The following USP34 variants were observed in gnomAD, a reference collection of about 807,000 sequenced individuals.
USP34 encodes the protein ubiquitin carboxyl-terminal hydrolase 34.
Under a neutral mutation model 460.3 loss-of-function variants are expected in USP34, and 70 were observed. The ratio of observed to expected loss-of-function variants is 0.15; its 90% CI spans 0.13 to 0.19. The LOEUF (loss-of-function observed/expected upper bound fraction) is 0.19. Among genes scored for constraint, USP34 ranks in the 10% least tolerant of loss-of-function variants. The pLI is 1.00. For missense variants in USP34, 3,985 were observed against 4,236.2 expected (o/e 0.94, Z 1.65); for synonymous variants, 1,647 against 1,405.3 (o/e 1.17, Z -3.85).
intron 34 of USP34, among the ~76,000 whole-genome samples, chr2:61,288,136 A>C (rs1689742555): frequency 6.6e-6 from 1 of 152,178 alleles, no homozygotes; most frequent in East Asian, 1.9e-4. Flanking sequence ...CCCCTCTGAT[A>C]ATCTTATAGC....
At chr2:61,368,337 C>G (rs956281029) in intron 10 of USP34, among the ~76,000 whole-genome samples, 2 of 151,990 alleles carry the variant, frequency 1.3e-5, no homozygotes, top group African/African-American at 2.4e-5. Context: ...GAGGCTGAGG[C>G]AGGAGAATCC....
At chr2:61,201,822 A>C (rs1686986492) in intron 75 of USP34, among the ~76,000 whole-genome samples, 1 of 152,154 alleles carries the variant, frequency 6.6e-6, no homozygotes, top group Non-Finnish European at 1.5e-5. Flanking sequence ...CAATTACCAA[A>C]AATTTTTTAA....
intron 78 of USP34, 99 bp downstream of exon 78, chr2:61,190,172 C>T: frequency 6.8e-7 from 1 of 1,471,550 alleles, no homozygotes; most frequent in Non-Finnish European, 9.0e-7. Flanking sequence ...GAGTTTGAAT[C>T]AGTAAGTTAA....
intron 68 of USP34, among the ~76,000 whole-genome samples, chr2:61,213,506 G>A (rs1687324949): frequency 6.6e-6 from 1 of 152,132 alleles, no homozygotes; most frequent in South Asian, 2.1e-4. Flanking sequence ...ATCGAGGGGA[G>A]GAAACTTAAT....
At chr2:61,274,577 A>G (rs1358270524) in intron 41 of USP34, among the ~76,000 whole-genome samples, 3 of 152,356 alleles carry the variant, frequency 2.0e-5, no homozygotes, top group African/African-American at 4.8e-5. Context: ...CAGAGAAAAG[A>G]TAACACAAAT....
intron 5 of USP34, among the ~76,000 whole-genome samples, chr2:61,385,962 A>C (rs1022400354): frequency 4.8e-5 from 7 of 145,808 alleles, no homozygotes; most frequent in African/African-American, 1.8e-4. Flanking sequence ...GTCCCACTGC[A>C]CTCCAGCCTA....
intron 41 of USP34, among the ~76,000 whole-genome samples, chr2:61,272,069 C>A (rs1269514160): frequency 1.3e-5 from 2 of 152,134 alleles, no homozygotes; most frequent in African/African-American, 4.8e-5. Context: ...TTTTTCTTTT[C>A]TTAATAATTG....
intron 2 of USP34, among the ~76,000 whole-genome samples, chr2:61,418,631 C>T (rs1694269170): frequency 6.6e-6 from 1 of 152,122 alleles, no homozygotes. Flanking sequence ...CCTGTTTATC[C>T]GCTAATTAGA....
chr2:61,406,237 T>C, intron 2 of USP34, 109 bp from the exon 3 acceptor site: 1 of 1,007,020 alleles, frequency 9.9e-7, no homozygotes, highest in Non-Finnish European at 1.4e-6. Flanking sequence ...GACTTGTTTT[T>C]ATTTTTTCCT....
intron 44 of USP34, among the ~76,000 whole-genome samples, chr2:61,259,115 C>G (rs1273564361): frequency 6.6e-6 from 1 of 151,920 alleles, no homozygotes; most frequent in Non-Finnish European, 1.5e-5. Context: ...AAAATTTAGC[C>G]AGGCGTGGTG....
At chr2:61,467,944 A>G (rs1695828202) in intron 1 of USP34, among the ~76,000 whole-genome samples, 1 of 151,954 alleles carries the variant, frequency 6.6e-6, no homozygotes, top group South Asian at 2.1e-4. Context: ...GAATTTCTAA[A>G]TCAACGTTGA....
Position 61,470,781 on chromosome 2 carries a change from G to A in USP34, c.-89C>T. On this transcript the variant is annotated 5_prime_UTR_variant, in exon 1 of 80. Coordinates refer to ENST00000398571, the MANE Select transcript of USP34 (RefSeq NM_014709.4). ...GGGGAGGGGAGAGAGGCGGAGGAGG[G>A]GGCCGGCCGGCCGGCGGGGCGGGGA... The A allele has an allele frequency of 5.8e-6, 7 of 1,198,134 alleles. No individual in the cohort carries two copies. Among genetic ancestry groups the A allele is most frequent in the Non-Finnish European group, 7.1e-6 (6 of 845,318 alleles). The allele number at this position is 1,198,134 out of a possible 1,614,324, so 74.2% of individuals were successfully genotyped here.
At chr2:61,349,214 A>C (rs745480283) in intron 13 of USP34, 36 bp downstream of exon 13, 4 of 1,597,618 alleles carry the variant, frequency 2.5e-6, no homozygotes, top group Middle Eastern at 1.7e-4. Flanking sequence ...TAAAAAACTA[A>C]GTCATGTTGC....
At chr2:61,467,480 G>C (rs180698154) in intron 1 of USP34, among the ~76,000 whole-genome samples, 3 of 151,746 alleles carry the variant, frequency 2.0e-5, no homozygotes, top group Middle Eastern at 3.2e-3. Flanking sequence ...TACTAATTAC[G>C]TATTTTTCAG....
intron 1 of USP34, among the ~76,000 whole-genome samples, chr2:61,434,622 A>G (rs1346343154): frequency 6.6e-6 from 1 of 151,906 alleles, no homozygotes; most frequent in African/African-American, 2.4e-5. Flanking sequence ...CTGCTGAGAA[A>G]CTCTCAAATG....
In USP34 at chr2:61,221,401, T is replaced by C; in HGVS notation, c.7899+101A>G. 9 of 1,074,416 alleles carry C rather than the reference T, an allele frequency of 8.4e-6. No homozygotes were observed. In the South Asian group the frequency reaches 1.2e-4, roughly 14 times the overall value. 66.6% of individuals were successfully genotyped at this position (1,074,416 alleles called of 1,614,324 possible). A position where few individuals can be genotyped will look rare whatever the true frequency, so the allele number is the denominator to read the frequency against. The stretch of plus-strand genomic sequence containing the variant: ...AAACCTGTGACTTACTAAAACCATC[T>C]TGGGGTAATAAGAAACTGGTACTTA... On this transcript the variant is annotated intron_variant, in intron 66 of 79. Coordinates refer to ENST00000398571, the MANE Select transcript of USP34 (RefSeq NM_014709.4).
rs201590521 is a variant in USP34, at chr2:61,470,631, C to A, written c.43+19G>T. On this transcript the variant is annotated intron_variant, in intron 1 of 79. Coordinates refer to ENST00000398571, the MANE Select transcript of USP34 (RefSeq NM_014709.4). ...CCCCAAACCGTGCACCCCGACAGGC[C>A]GCTACCGCGGCTACTTACTTTCATT... 8.1e-5 allele frequency: 128 copies of A among 1,580,856 alleles called. No individual in the cohort carries two copies. In the East Asian group the frequency reaches 3.0e-3, roughly 37 times the overall value.
intron 62 of USP34, among the ~76,000 whole-genome samples, chr2:61,226,277 G>T (rs765658011): frequency 1.4e-4 from 22 of 152,156 alleles, no homozygotes; most frequent in Non-Finnish European, 2.4e-4. Context: ...ACCTGGAAAG[G>T]CATGTCAGGC....
Position 61,301,104 on chromosome 2 carries a change from C to G in USP34, c.3975G>C (p.Gln1325His), listed in dbSNP as rs982082696. The G allele has an allele frequency of 8.7e-6, 14 of 1,613,918 alleles. No homozygotes were observed. The highest frequency in any genetic ancestry group is 9.3e-6 in the Non-Finnish European group (11 of 1,180,000). ...PRRERKGEGV[Q>H]LPASCLPPPQ... is the part of the protein sequence containing the mutation. ...GGGGTGGGAGGCAAGATGCTGGCAG[C>G]TGAACACCTTCCCCTTTCCGCTCTC... The change falls in exon 29 of 80, where the codon CAG becomes CAC. Residue 1325 changes from glutamine (Q) to histidine (H), a missense_variant. Around this residue, in one of 14 missense-constraint regions of USP34, gnomAD observed 1,114 missense variants for 1,122.5 expected, o/e 0.99. Transcript: ENST00000398571.
Sources: gnomAD v4.1 joint callset for allele counts (sites outside exome capture counted in the v4.1 genomes callset) on GRCh38, gnomAD v4.1.1 for gene constraint, gnomAD v4.1.1 regional missense constraint, MANE v1.5 for transcripts, NCBI Gene and HGNC (gene_info 2026-07-23, HGNC 2026-07-21) for gene names.